Variants in CPD observed in about 807,000 individuals in gnomAD.
CPD encodes the protein metallocarboxypeptidase D.
Under a neutral mutation model 138.3 loss-of-function variants are expected in CPD, and 69 were observed. That is an observed-to-expected ratio of 0.50 (90% CI 0.41 to 0.61). The LOEUF (loss-of-function observed/expected upper bound fraction) is 0.61. CPD is among the 20% of genes least tolerant of loss of function. The probability of loss-of-function intolerance (pLI) is 0.00; values close to 1 mark genes in which losing one functional copy is unlikely to be tolerated. For synonymous variants in CPD, 651 were observed against 642.1 expected (o/e 1.01, Z -0.21); for missense variants, 1,432 against 1,733.3 (o/e 0.83, Z 3.09).
chr17:30,415,385 A>T (rs1407177493), intron 2 of CPD, among the ~76,000 whole-genome samples: 2 of 152,214 alleles, frequency 1.3e-5, no homozygotes, highest in Non-Finnish European at 2.9e-5. Flanking sequence ...AAACATTGTG[A>T]ATGAATGTTC....
chr17:30,431,084 C>A (rs747413985), intron 7 of CPD, among the ~76,000 whole-genome samples: 3 of 152,160 alleles, frequency 2.0e-5, no homozygotes, highest in Non-Finnish European at 4.4e-5. Context: ...TTCCCGCCAG[C>A]AATGTATGAG....
intron 17 of CPD, among the ~76,000 whole-genome samples, chr17:30,460,316 G>A (rs1279446121): frequency 6.6e-6 from 1 of 152,134 alleles, no homozygotes; most frequent in East Asian, 1.9e-4. Context: ...ATGGGAAACT[G>A]AGGTTTTGAG....
At chr17:30,436,160 C>T (rs1395382395) in intron 8 of CPD, among the ~76,000 whole-genome samples, 1 of 151,964 alleles carries the variant, frequency 6.6e-6, no homozygotes, top group Non-Finnish European at 1.5e-5. Context: ...AAAGACAACC[C>T]ACAGAAGCTG....
At chr17:30,450,496 A>G (rs531969721) in intron 13 of CPD, among the ~76,000 whole-genome samples, 22 of 152,348 alleles carry the variant, frequency 1.4e-4, no homozygotes, top group African/African-American at 4.8e-4. Context: ...ATTATTGGAC[A>G]TCTTGGCTGC....
intron 1 of CPD, chr17:30,380,698 GT>G: frequency 8.2e-7 from 1 of 1,221,750 alleles, no homozygotes. Context: ...GGCAAGATGT[GT>G]GTGGGCTGCA....
chr17:30,461,403 A>G lies in CPD; in HGVS notation c.3630+92A>G, dbSNP rs548286871. 4.5e-5 allele frequency: 43 copies of G among 963,864 alleles called. 1 individual carries two copies. In the South Asian group the frequency reaches 1.5e-3, roughly 34 times the overall value. 59.7% of individuals were successfully genotyped at this position (963,864 alleles called of 1,614,324 possible). On this transcript the variant is annotated intron_variant, in intron 18 of 20. Transcript: ENST00000225719. ...ACATTGTCTTTTACCAAAAATGTAT[A>G]TTATTTATTTTAAATTTATATAGAA...
rs1913113003 is a variant in CPD at position 30,449,581 on chromosome 17, A to G, written c.2902A>G (p.Ile968Val). Reference sequence around the variant, plus strand: ...GGGACAGAGCACTGAATATCGTCACATTTGGTCCCTTGAAATCTCCAATAA... The same window carrying G: ...GGGACAGAGCACTGAATATCGTCACGTTTGGTCCCTTGAAATCTCCAATAA... The part of the protein sequence containing the change: ...NLGQSTEYRH[I>V]WSLEISNKPN... The change falls in exon 13 of 21, where the codon ATT (isoleucine) becomes GTT (valine). Residue 968 changes from isoleucine to valine, a missense_variant. This residue lies in a region of CPD where 366 missense variants were observed against 518.8 expected (regional missense o/e 0.71). Coordinates refer to ENST00000225719, the MANE Select transcript of CPD (RefSeq NM_001304.5). 1 of 1,601,032 alleles carries G rather than the reference A, an allele frequency of 6.2e-7. No homozygotes were observed. The highest frequency in any genetic ancestry group is 8.5e-7 in the Non-Finnish European group (1 of 1,176,860).
chr17:30,450,058 T>C (rs909186152), intron 13 of CPD, among the ~76,000 whole-genome samples: 3 of 136,412 alleles, frequency 2.2e-5, no homozygotes, highest in South Asian at 2.2e-4. Context: ...AGTTCTTTAC[T>C]TTTTTTTTTT....
chr17:30,396,206 T>C (rs1358206773), intron 2 of CPD, among the ~76,000 whole-genome samples: 1 of 152,162 alleles, frequency 6.6e-6, no homozygotes, highest in Non-Finnish European at 1.5e-5. Flanking sequence ...AATAAAGTAA[T>C]ATCATTAAGC....
chr17:30,469,658 T>C lies in CPD; in HGVS notation c.*4844T>C, dbSNP rs1913734820. The stretch of plus-strand genomic sequence containing the variant: ...CACAAATAAAAAAAGAAATTTTTTA[T>C]TATGTGGTTCAATAGATTGTCTAAA... On this transcript the variant is annotated 3_prime_UTR_variant, in exon 21 of 21. Coordinates refer to ENST00000225719, the MANE Select transcript of CPD (RefSeq NM_001304.5). 6.6e-6 allele frequency: 1 copy of C among 152,226 alleles called. No individual in the cohort carries two copies. The highest frequency in any genetic ancestry group is 1.5e-5 in the Non-Finnish European group (1 of 68,034). The allele number at this position is 152,226 out of a possible 1,614,324, so 9.4% of individuals were successfully genotyped here.
intron 6 of CPD, 112 bp from the exon 7 acceptor site, chr17:30,427,279 G>A (rs1266795834): frequency 3.6e-6 from 3 of 832,772 alleles, no homozygotes; most frequent in East Asian, 2.6e-5. Flanking sequence ...TGATAATAGC[G>A]AAGCCTGATG....
At chr17:30,407,525 G>A (rs902371557) in intron 2 of CPD, among the ~76,000 whole-genome samples, 1 of 152,098 alleles carries the variant, frequency 6.6e-6, no homozygotes, top group African/African-American at 2.4e-5. Context: ...GCATGAAATG[G>A]TATCTCATTG....
chr17:30,449,538 TCTGG>T lies in CPD; in HGVS notation c.2874-14_2874-11del. 1 of 1,565,602 alleles carries T rather than the reference TCTGG, an allele frequency of 6.4e-7. No individual in the cohort carries two copies. The highest frequency in any genetic ancestry group is 2.2e-5 in the Admixed American group (1 of 45,204). ...TTGATTACTTGCTGATTTTTTTGTT[TCTGG>T]TTTTTGAAAGTTTGGGACAGAGCAC... On this transcript the variant is annotated splice_polypyrimidine_tract_variant and intron_variant, in intron 12 of 20. Coordinates refer to ENST00000225719, the MANE Select transcript of CPD (RefSeq NM_001304.5).
intron 2 of CPD, among the ~76,000 whole-genome samples, chr17:30,416,246 TG>T (rs1348216266): frequency 6.6e-6 from 1 of 152,126 alleles, no homozygotes. Flanking sequence ...GCAGGAGAAT[TG>T]CTTGAACCTG....
chr17:30,447,776 A>G (rs1242846472), intron 12 of CPD, among the ~76,000 whole-genome samples: 2 of 152,306 alleles, frequency 1.3e-5, no homozygotes, highest in East Asian at 3.9e-4. Flanking sequence ...TAAAACTGAT[A>G]GCTGAGATAG....
chr17:30,456,381 C>CTGT (rs746389730), intron 16 of CPD, 30 bp downstream of exon 16: 13 of 1,607,860 alleles, frequency 8.1e-6, no homozygotes, highest in South Asian at 2.2e-5. Flanking sequence ...TTTGTTATTG[C>CTGT]TGTTGTTGTT....
At chr17:30,383,308 A>G (rs1911099554) in intron 1 of CPD, among the ~76,000 whole-genome samples, 1 of 152,174 alleles carries the variant, frequency 6.6e-6, no homozygotes, top group Non-Finnish European at 1.5e-5. Context: ...GTGTTATCTT[A>G]ATTTTCATGA....
Position 30,427,544 on chromosome 17 carries a change from C to T in CPD, c.2003C>T (p.Ala668Val). 1.2e-6 allele frequency: 2 copies of T among 1,613,914 alleles called. No homozygotes were observed. Among genetic ancestry groups the T allele is most frequent in the Non-Finnish European group, 1.7e-6 (2 of 1,179,854 alleles). ...AAGTCCTATCCATTTGTACTTTCAG[C>T]AAACCTGCATGGAGGTATGGCAACT... ...WMKSYPFVLS[A>V]NLHGGSLVVN... Residue 668 changes from alanine to valine, a missense_variant, in exon 7 of 21, where the codon GCA becomes GTA. Ala to Val is a moderately conservative substitution (Grantham distance 64, BLOSUM62 0). This residue lies in a region of CPD where 297 missense variants were observed against 405.3 expected (regional missense o/e 0.73). Coordinates refer to ENST00000225719, the MANE Select transcript of CPD (RefSeq NM_001304.5).
At chr17:30,445,052 A>G (rs1912990094) in intron 11 of CPD, among the ~76,000 whole-genome samples, 2 of 152,164 alleles carry the variant, frequency 1.3e-5, no homozygotes, top group African/African-American at 4.8e-5. Context: ...GTCATAACCT[A>G]GCACCTCTGC....
Sources: allele counts gnomAD v4.1 joint callset (sites outside exome capture counted in the v4.1 genomes callset), GRCh38; gene constraint gnomAD v4.1.1; regional missense constraint gnomAD v4.1.1; transcripts MANE v1.5; gene names NCBI Gene and HGNC (gene_info 2026-07-23, HGNC 2026-07-21).